THSD4: variants seen among roughly 807,000 people sequenced by gnomAD.
THSD4 encodes the protein thrombospondin type 1 domain containing 4.
In THSD4, 69 loss-of-function variants were observed where a neutral mutation model predicts 119.0. The observed-to-expected ratio is 0.58, with a 90% CI of 0.48 to 0.71. The LOEUF (loss-of-function observed/expected upper bound fraction) is 0.71, where lower values mean the gene tolerates loss of function less well. THSD4 is among the 30% of genes least tolerant of loss of function. The pLI is 0.00. For synonymous variants in THSD4, 524 were observed against 540.4 expected (o/e 0.97, Z 0.42); for missense variants, 1,393 against 1,391.1 (o/e 1.00, Z -0.02).
intron 6 of THSD4, among the ~76,000 whole-genome samples, chr15:71,395,567 C>A (rs541925092): frequency 6.6e-6 from 1 of 152,096 alleles, no homozygotes; most frequent in Non-Finnish European, 1.5e-5. Context: ...CATAGTGATA[C>A]CCCACCTCTA....
At chr15:71,266,982 TTTGA>T in intron 6 of THSD4, among the ~76,000 whole-genome samples, 1 of 152,162 alleles carries the variant, frequency 6.6e-6, no homozygotes, top group Non-Finnish European at 1.5e-5. Flanking sequence ...CAAACCTATG[TTTGA>T]TTGGTGTACC....
chr15:71,160,047 A>G (rs182410987), intron 3 of THSD4, among the ~76,000 whole-genome samples: 87 of 152,044 alleles, frequency 5.7e-4, no homozygotes, highest in African/African-American at 2.0e-3. Flanking sequence ...GAATTTTGTC[A>G]TTTGCTTTTT....
rs531304125 is a variant in THSD4, at chr15:71,703,301, C to A, written c.1358-25248C>A. 5.9e-5 allele frequency among the ~76,000 whole-genome samples: 9 copies of A among 152,306 alleles called. No homozygotes were observed. In the East Asian group the frequency reaches 1.5e-3, roughly 26 times the overall value. On this transcript the variant is annotated intron_variant, in intron 8 of 17. Transcript: ENST00000261862. ...GGCTCCTGTTCTTATGTGATTATCT[C>A]ATCATGTAGACCCAGAAATCTCTAT...
At chr15:71,459,400 CTCTCTG>C (rs1378517861) in intron 7 of THSD4, among the ~76,000 whole-genome samples, 2 of 151,060 alleles carry the variant, frequency 1.3e-5, no homozygotes, top group East Asian at 1.9e-4. Flanking sequence ...CTCTCTCTCT[CTCTCTG>C]TCTCTCTCTC....
chr15:71,408,149 T>C (rs2046632782), intron 6 of THSD4, among the ~76,000 whole-genome samples: 1 of 139,064 alleles, frequency 7.2e-6, no homozygotes, highest in Non-Finnish European at 1.6e-5. Flanking sequence ...GGCATCAGAA[T>C]TGTACTTTAC....
rs754915085 is a variant in THSD4, at chr15:71,745,126, C to T, written c.1927C>T (p.Arg643Cys). The stretch of plus-strand genomic sequence containing the variant: ...TGCAGGATCGCAGTACCCTATTTTC[C>T]GCTGTGTGCACAGAAGCACTCATGA... ...CGKGSQYPIF[R>C]CVHRSTHEEA... Residue 643 changes from arginine (R) to cysteine (C), a missense_variant, in exon 12 of 18, where the codon CGC (arginine) becomes TGC (cysteine). Arg to Cys is a radical substitution (Grantham distance 180, BLOSUM62 -3). Coordinates refer to ENST00000261862, the MANE Select transcript of THSD4 (RefSeq NM_024817.3). 1.7e-5 allele frequency: 27 copies of T among 1,611,410 alleles called. No homozygotes were observed. Among genetic ancestry groups the T allele is most frequent in the Middle Eastern group, 2.2e-4 (1 of 4,620 alleles).
intron 6 of THSD4, among the ~76,000 whole-genome samples, chr15:71,262,383 T>A (rs972521115): frequency 4.6e-5 from 7 of 152,122 alleles, no homozygotes. Context: ...CCCCTTTCAC[T>A]CTCTGTCTTG....
intron 4 of THSD4, among the ~76,000 whole-genome samples, chr15:71,231,945 C>T (rs906213569): frequency 6.6e-6 from 1 of 152,152 alleles, no homozygotes; most frequent in African/African-American, 2.4e-5. Flanking sequence ...TTGAACTTAG[C>T]ACATGATATC....
intron 6 of THSD4, among the ~76,000 whole-genome samples, chr15:71,338,538 C>T (rs1416964240): frequency 6.6e-6 from 1 of 152,118 alleles, no homozygotes; most frequent in African/African-American, 2.4e-5. Flanking sequence ...GCTCTGATTT[C>T]TCCTTTTATG....
intron 3 of THSD4, chr15:71,184,069 C>T (rs543478998): frequency 6.6e-6 from 1 of 151,886 alleles, no homozygotes; most frequent in Admixed American, 6.5e-5. Flanking sequence ...TTTCCCTGGG[C>T]TTGTTTTTGA....
At chr15:71,250,247 C>G (rs1402089672) in intron 5 of THSD4, among the ~76,000 whole-genome samples, 1 of 152,166 alleles carries the variant, frequency 6.6e-6, no homozygotes, top group East Asian at 1.9e-4. Context: ...CAGCAGATAG[C>G]AGAGGGGAAG....
At chr15:71,613,978 A>G (rs1189989802) in intron 7 of THSD4, among the ~76,000 whole-genome samples, 1 of 152,178 alleles carries the variant, frequency 6.6e-6, no homozygotes, top group Non-Finnish European at 1.5e-5. Context: ...CTCGTAATAC[A>G]AGGAATATTC....
chr15:71,355,260 T>G (rs143666341), intron 6 of THSD4, among the ~76,000 whole-genome samples: 158 of 152,290 alleles, frequency 1.0e-3, no homozygotes, highest in African/African-American at 3.4e-3. Context: ...TTGCATAAGG[T>G]GAGTGTTAAT....
intron 7 of THSD4, among the ~76,000 whole-genome samples, chr15:71,479,084 ATTTTT>A (rs59172567): frequency 7.9e-6 from 1 of 126,910 alleles, no homozygotes; most frequent in African/African-American, 3.0e-5. Context: ...GGCAGAGTGT[ATTTTT>A]TTTTTTTTTT....
chr15:71,475,846 G>A (rs556717020), intron 7 of THSD4, among the ~76,000 whole-genome samples: 1 of 152,116 alleles, frequency 6.6e-6, no homozygotes, highest in Non-Finnish European at 1.5e-5. Flanking sequence ...AGGATTGCTT[G>A]AGCCCAGAAG....
At chr15:71,446,130 A>G (rs1330273191) in intron 7 of THSD4, among the ~76,000 whole-genome samples, 1 of 152,218 alleles carries the variant, frequency 6.6e-6, no homozygotes, top group Non-Finnish European at 1.5e-5. Flanking sequence ...GTCAATATCA[A>G]TTCCGCTTTC....
intron 16 of THSD4, among the ~76,000 whole-genome samples, chr15:71,770,725 A>G (rs2053807882): frequency 6.6e-6 from 1 of 152,222 alleles, no homozygotes; most frequent in Admixed American, 6.5e-5. Context: ...ATTGAAGAGA[A>G]TAAGAAATTA....
intron 6 of THSD4, among the ~76,000 whole-genome samples, chr15:71,318,647 AG>A (rs1282197057): frequency 5.3e-5 from 8 of 152,328 alleles, no homozygotes; most frequent in African/African-American, 1.9e-4. Flanking sequence ...GCTGGGACTC[AG>A]CCCATCAGCA....
At chr15:71,696,654 AG>A (rs1023759564) in intron 8 of THSD4, among the ~76,000 whole-genome samples, 3 of 152,220 alleles carry the variant, frequency 2.0e-5, no homozygotes, top group African/African-American at 7.2e-5. Flanking sequence ...AGATCAAAAA[AG>A]GGAGAAAGGA....
Sources: allele counts gnomAD v4.1 joint callset (sites outside exome capture counted in the v4.1 genomes callset), GRCh38; gene constraint gnomAD v4.1.1; transcripts MANE v1.5; gene names NCBI Gene and HGNC (gene_info 2026-07-23, HGNC 2026-07-21).